Variants in COL6A6 observed in about 807,000 individuals in gnomAD.
COL6A6 encodes the protein collagen type VI alpha 6 chain, also known as collagen alpha-6(VI) chain.
COL6A6 carries 183 observed loss-of-function variants against 208.6 expected under a neutral mutation model. The ratio of observed to expected loss-of-function variants is 0.88; its 90% CI spans 0.78 to 0.99. COL6A6 has a LOEUF of 0.99. Among genes scored for constraint, COL6A6 ranks in the 50% least tolerant of loss-of-function variants. The pLI is 0.00. For missense variants in COL6A6, 2,816 were observed against 2,815.2 expected, an observed-to-expected ratio of 1.00 and a Z score of -0.01; for synonymous variants, 973 against 1,011.8, an observed-to-expected ratio of 0.96 and a Z score of 0.73.
intron 23 of COL6A6, among the ~76,000 whole-genome samples, chr3:130,614,840 G>A (rs532994607): frequency 2.0e-5 from 3 of 152,134 alleles, no homozygotes; most frequent in South Asian, 4.1e-4. Flanking sequence ...TTGTATTTCT[G>A]TGGGGTCAGT....
intron 21 of COL6A6, among the ~76,000 whole-genome samples, chr3:130,607,690 C>G (rs911076110): frequency 6.6e-6 from 1 of 152,026 alleles, no homozygotes; most frequent in Non-Finnish European, 1.5e-5. Context: ...CAGAAAATAA[C>G]AGAGTAATAA....
At chr3:130,616,967 A>G (rs1005618562) in intron 23 of COL6A6, among the ~76,000 whole-genome samples, 1 of 152,162 alleles carries the variant, frequency 6.6e-6, no homozygotes, top group Non-Finnish European at 1.5e-5. Context: ...CATTGCCTGC[A>G]GTCACAAGCT....
intron 1 of COL6A6, among the ~76,000 whole-genome samples, chr3:130,543,510 T>G (rs1281742546): frequency 6.6e-6 from 1 of 152,216 alleles, no homozygotes; most frequent in Non-Finnish European, 1.5e-5. Flanking sequence ...CAGTTACACT[T>G]CCTTTTTTTA....
chr3:130,565,096 G>A lies in COL6A6; in HGVS notation c.764G>A (p.Ser255Asn). The A allele has an allele frequency of 1.2e-6, 2 of 1,614,054 alleles. No individual in the cohort carries two copies. The highest frequency in any genetic ancestry group is 1.7e-6 in the Non-Finnish European group (2 of 1,179,884). The change falls in exon 4 of 37, where the codon AGT becomes AAT. Residue 255 changes from serine (S) to asparagine (N), a missense_variant. Ser to Asn is a conservative substitution (Grantham distance 46). Transcript: ENST00000358511. ...FDYLKGFLEE[S>N]VSALDIKENC... is the part of the protein sequence containing the mutation. ...TATCTTAAAGGATTCTTGGAAGAAAGTGTATCTGCCCTTGACATAAAGGAA... is the reference window on the plus strand; with the variant it reads ...TATCTTAAAGGATTCTTGGAAGAAAATGTATCTGCCCTTGACATAAAGGAA...
At chr3:130,610,755 T>TAAGTACATAGAATTAAAGCA in intron 23 of COL6A6, 44 bp downstream of exon 23, 1 of 1,385,600 alleles carries the variant, frequency 7.2e-7, no homozygotes, top group Non-Finnish European at 1.0e-6. Flanking sequence ...TGATCTTGGC[T>TAAGTACATAGAATTAAAGCA]TGATATGTCT....
chr3:130,627,291 T>C lies in COL6A6; in HGVS notation c.4942-28T>C, dbSNP rs144576905. ...GCCTGTCTCTATCTGTAGTCTGGGA[T>C]GTTGGTAATCAATTGCTCTGTTTAC... On this transcript the variant is annotated intron_variant, in intron 25 of 36. Coordinates refer to ENST00000358511, the MANE Select transcript of COL6A6 (RefSeq NM_001102608.3). The C allele has an allele frequency of 5.1e-4, 824 of 1,604,484 alleles. 5 individuals are homozygous for C. The African/African-American group carries it at 9.1e-3, about 18-fold the overall frequency.
rs2063249322 is a variant in COL6A6, at chr3:130,574,505, G to A, written c.3527G>A (p.Cys1176Tyr). The part of the protein sequence containing the change: ...KVNKRIVRNI[C>Y]TTAGESNCFV... Reference sequence around the variant, plus strand: ...AATAAAAGGATCGTTCGCAACATCTGTACCACAGCGGGTGAAAGCAGTAAG... The same window carrying A: ...AATAAAAGGATCGTTCGCAACATCTATACCACAGCGGGTGAAAGCAGTAAG... Residue 1176 changes from cysteine to tyrosine, a missense_variant, in exon 8 of 37, where the codon TGT becomes TAT. By Grantham distance (194) the Cys-to-Tyr change is radical. Coordinates refer to ENST00000358511, the MANE Select transcript of COL6A6 (RefSeq NM_001102608.3). 1 of 1,613,532 alleles carries A rather than the reference G, an allele frequency of 6.2e-7. No homozygotes were observed. Among genetic ancestry groups the A allele is most frequent in the African/African-American group, 1.3e-5 (1 of 74,928 alleles).
chr3:130,644,440 G>A (rs955645026), intron 31 of COL6A6, among the ~76,000 whole-genome samples: 3 of 152,212 alleles, frequency 2.0e-5, no homozygotes, highest in Admixed American at 2.0e-4. Context: ...CATGTGGCTT[G>A]TGGCTGCCAT....
intron 34 of COL6A6, among the ~76,000 whole-genome samples, chr3:130,659,655 CA>C (rs1412674894): frequency 2.6e-5 from 4 of 152,206 alleles, no homozygotes; most frequent in African/African-American, 9.6e-5. Context: ...CAGGGCTTCA[CA>C]GCCATATTAA....
At chr3:130,546,993 CTG>C (rs1177208547) in intron 1 of COL6A6, among the ~76,000 whole-genome samples, 1 of 152,280 alleles carries the variant, frequency 6.6e-6, no homozygotes, top group Non-Finnish European at 1.5e-5. Context: ...AGGAGCCCAG[CTG>C]GCTTCCCCTA....
At chr3:130,642,773 A>G in intron 29 of COL6A6, 59 bp from the exon 30 acceptor site, 6 of 1,476,040 alleles carry the variant, frequency 4.1e-6, no homozygotes, top group African/African-American at 1.4e-5. Context: ...GTTGGTGCAC[A>G]CTGGCTACTG....
In COL6A6 at chr3:130,649,532, C is replaced by T; in HGVS notation, c.5703C>T (p.Ser1901=). 6.3e-7 allele frequency: 1 copy of T among 1,598,564 alleles called. No homozygotes were observed. The highest frequency in any genetic ancestry group is 8.5e-7 in the Non-Finnish European group (1 of 1,171,976). Residue 1901 remains serine (S), a synonymous_variant, in exon 33 of 37, where the codon AGC becomes AGT. Coordinates refer to ENST00000358511, the MANE Select transcript of COL6A6 (RefSeq NM_001102608.3). ...LEIIPVVITF[S]NVPSVRRAFA... ...TCATTCCCGTGGTGATCACTTTCAG[C>T]AACGTGCCCTCGGTCAGGCGCGCAT... is the stretch of plus-strand genomic sequence containing the variant.
At chr3:130,669,231 C>G (rs11916838) in intron 36 of COL6A6, among the ~76,000 whole-genome samples, 5,959 of 152,088 alleles carry the variant, frequency 0.039, 392 homozygotes, top group African/African-American at 0.14. Context: ...CCCATCTCTA[C>G]TAAAAATACA....
At chr3:130,622,749 C>T (rs2064769357) in intron 24 of COL6A6, among the ~76,000 whole-genome samples, 1 of 151,964 alleles carries the variant, frequency 6.6e-6, no homozygotes, top group Non-Finnish European at 1.5e-5. Context: ...CCCAGCTACT[C>T]AGGAGGCTGA....
intron 8 of COL6A6, 58 bp from the exon 9 acceptor site, chr3:130,581,503 T>G: frequency 6.4e-6 from 8 of 1,249,330 alleles, no homozygotes; most frequent in Non-Finnish European, 9.0e-6. Context: ...ACATGGTGTC[T>G]GAGTTAAATA....
At position 130,594,560 on chromosome 3, in the gene COL6A6, A is replaced by C. The variant is rs867268572; in HGVS notation, c.4533+217A>C. ...CCCTTACATGTCTTTTGCAAATGCA[A>C]TTTTGTAAATACATACTCAGAATTG... On this transcript the variant is annotated intron_variant, in intron 18 of 36. Transcript: ENST00000358511. The C allele has an allele frequency of 1.4e-5, 6 of 416,166 alleles. 1 individual carries two copies. The East Asian group carries it at 1.5e-4, about 10-fold the overall frequency. 25.8% of individuals were successfully genotyped at this position (416,166 alleles called of 1,614,324 possible).
At chr3:130,525,372 G>A (rs940045347) in intron 1 of COL6A6, among the ~76,000 whole-genome samples, 4 of 152,302 alleles carry the variant, frequency 2.6e-5, no homozygotes, top group African/African-American at 7.2e-5. Flanking sequence ...CTAACATTGT[G>A]AACATAAAAC....
intron 1 of COL6A6, among the ~76,000 whole-genome samples, chr3:130,526,189 G>A (rs1242159231): frequency 3.9e-4 from 59 of 152,052 alleles, no homozygotes; most frequent in Non-Finnish European, 5.1e-4. Context: ...GGATGGGGTG[G>A]TCAGGGAGGC....
Position 130,567,059 on chromosome 3 carries a change from G to A in COL6A6, c.1640G>A (p.Gly547Asp). The stretch of plus-strand genomic sequence containing the variant: ...TGCCACCTTGTTGTCCTGACAAATG[G>A]CATGTCCAAGGATAGCATCTTGGAG... ...VPCHLVVLTN[G>D]MSKDSILEPA... Residue 547 changes from glycine (G) to aspartate (D), a missense_variant, in exon 5 of 37, where the codon GGC becomes GAC. Coordinates refer to ENST00000358511, the MANE Select transcript of COL6A6 (RefSeq NM_001102608.3). 1 of 1,614,010 alleles carries A rather than the reference G, an allele frequency of 6.2e-7. No individual in the cohort carries two copies. The highest frequency in any genetic ancestry group is 8.5e-7 in the Non-Finnish European group (1 of 1,179,890).
Sources: allele counts gnomAD v4.1 joint callset (sites outside exome capture counted in the v4.1 genomes callset), GRCh38; gene constraint gnomAD v4.1.1; transcripts MANE v1.5; gene names NCBI Gene and HGNC (gene_info 2026-07-23, HGNC 2026-07-21).